The following IFT122 variants were observed in gnomAD, a reference collection of about 807,000 sequenced individuals.
IFT122 encodes the protein intraflagellar transport 122.
In IFT122, 118 loss-of-function variants were observed where a neutral mutation model predicts 161.6. The ratio of observed to expected loss-of-function variants is 0.73; its 90% confidence interval spans 0.63 to 0.85. The LOEUF is 0.85. IFT122 is among the 40% of genes least tolerant of loss of function. IFT122 has a pLI of 0.00. For synonymous variants in IFT122, 550 were observed against 602.4 expected (o/e 0.91, Z 1.27); for missense variants, 1,381 against 1,579.6 (o/e 0.87, Z 2.13).
At chr3:129,458,813 T>C (rs1236111950) in intron 4 of IFT122, 136 bp downstream of exon 4, 3 of 728,220 alleles carry the variant, frequency 4.1e-6, no homozygotes, top group East Asian at 2.7e-5. Context: ...GTGTGTGTGG[T>C]TGGTATAGGA....
chr3:129,466,707 T>C (rs1293643745), intron 7 of IFT122, among the ~76,000 whole-genome samples, 183 bp from the exon 8 acceptor site: 3 of 152,078 alleles, frequency 2.0e-5, no homozygotes, highest in Non-Finnish European at 4.4e-5. Context: ...TTCACCATGT[T>C]GGCCAGGCTG....
Position 129,501,692 on chromosome 3 carries a change from C to T in IFT122, c.2376-1019C>T, listed in dbSNP as rs372043846. On this transcript the variant is annotated intron_variant, in intron 19 of 29. Transcript: ENST00000348417. ...AAACACATTAAGCATGTTCTGCTTGCTTTCCAGATGTGGCTATAAAAGGTG... is the reference window on the plus strand; with the variant it reads ...AAACACATTAAGCATGTTCTGCTTGTTTTCCAGATGTGGCTATAAAAGGTG... Among the ~76,000 whole-genome samples, 35 of 152,348 alleles carry T rather than the reference C, an allele frequency of 2.3e-4. No individual in the cohort carries two copies. In the South Asian group the frequency reaches 7.0e-3, roughly 31 times the overall value.
At chr3:129,459,352 C>T (rs111459031) in intron 4 of IFT122, 14,399 of 441,456 alleles carry the variant, frequency 0.033, 927 homozygotes, top group African/African-American at 0.13. Flanking sequence ...TGCAGTGGCA[C>T]GATCTCGGCT....
At chr3:129,445,762 CAG>C (rs986192911) in intron 1 of IFT122, among the ~76,000 whole-genome samples, 2 of 152,186 alleles carry the variant, frequency 1.3e-5, no homozygotes, top group African/African-American at 4.8e-5. Context: ...ATCTACAAAA[CAG>C]AGTAATAATT....
chr3:129,476,608 G>A, intron 10 of IFT122, 55 bp from the exon 11 acceptor site: 2 of 1,614,098 alleles, frequency 1.2e-6, no homozygotes, highest in Non-Finnish European at 1.7e-6. Context: ...TGACAAATGG[G>A]GGAATGCAGA....
At chr3:129,450,980 A>T (rs558866035) in intron 2 of IFT122, among the ~76,000 whole-genome samples, 10 of 152,182 alleles carry the variant, frequency 6.6e-5, no homozygotes, top group African/African-American at 2.4e-4. Flanking sequence ...TCGGCCTCCC[A>T]AAGTGCTGGG....
chr3:129,507,861 C>T (rs1408802997), intron 23 of IFT122, 99 bp downstream of exon 23: 5 of 912,364 alleles, frequency 5.5e-6, no homozygotes, highest in Non-Finnish European at 9.0e-6. Flanking sequence ...ATGTAACCCA[C>T]TGGTCACAGT....
At chr3:129,471,626 A>G (rs1203447365) in intron 9 of IFT122, among the ~76,000 whole-genome samples, 5 of 152,238 alleles carry the variant, frequency 3.3e-5, no homozygotes, top group African/African-American at 1.2e-4. Flanking sequence ...GTTGTGGCCC[A>G]AAGTTTCTGC....
At chr3:129,442,603 TA>T (rs1229771815) in intron 1 of IFT122, among the ~76,000 whole-genome samples, 9 of 151,350 alleles carry the variant, frequency 5.9e-5, no homozygotes, top group African/African-American at 1.7e-4. Flanking sequence ...ACAGTAGAAC[TA>T]AAAAAATCCT....
At chr3:129,465,182 G>A (rs1280666793) in intron 7 of IFT122, among the ~76,000 whole-genome samples, 4 of 150,692 alleles carry the variant, frequency 2.7e-5, no homozygotes, top group African/African-American at 9.8e-5. Flanking sequence ...GATGCAGCAG[G>A]ACCATTTCCT....
At chr3:129,451,802 A>G (rs1435958536) in intron 2 of IFT122, 112 bp from the exon 3 acceptor site, 5 of 913,396 alleles carry the variant, frequency 5.5e-6, no homozygotes, top group Non-Finnish European at 7.2e-6. Context: ...TTGGCTACAG[A>G]TTTAGAATAT....
Position 129,488,255 on chromosome 3 carries a change from A to C in IFT122, c.1852-2A>C. ...TTTTTTTCCCTTGATGAAATCCTGCAGTCCGCTCCCATGTACCAGTACCTG... is the reference window on the plus strand; with the variant it reads ...TTTTTTTCCCTTGATGAAATCCTGCCGTCCGCTCCCATGTACCAGTACCTG... On this transcript the variant is annotated splice_acceptor_variant, in intron 15 of 29. Transcript: ENST00000348417. LOFTEE classifies it high-confidence loss of function. 6.2e-7 allele frequency: 1 copy of C among 1,614,156 alleles called. No individual in the cohort carries two copies. Among genetic ancestry groups the C allele is most frequent in the Non-Finnish European group, 8.5e-7 (1 of 1,180,024 alleles).
chr3:129,479,760 A>G, intron 12 of IFT122, 25 bp from the exon 13 acceptor site: 2 of 1,613,692 alleles, frequency 1.2e-6, no homozygotes, highest in South Asian at 1.1e-5. Context: ...TTGAATTTCC[A>G]TGCAGAGCTG....
rs750993030 is a variant in IFT122 at position 129,464,707 on chromosome 3, C to T, written c.489C>T (p.Gly163=). Residue 163 remains glycine (G), a synonymous_variant, in exon 7 of 30, where the codon GGC becomes GGT. Coordinates refer to ENST00000348417, the MANE Select transcript of IFT122 (RefSeq NM_052989.3). ...NGIISIRNKN[G]EEKVKIERPG... is the part of the protein sequence containing the mutation. ...TCATCAGCATACGGAACAAAAATGG[C>T]GAGGAGAAAGTAAAGATCGAGCGGC... 21 of 1,613,762 alleles carry T rather than the reference C, an allele frequency of 1.3e-5. No individual in the cohort carries two copies. Among genetic ancestry groups the T allele is most frequent in the East Asian group, 6.7e-5 (3 of 44,884 alleles).
chr3:129,453,932 G>A (rs960714216), intron 3 of IFT122, among the ~76,000 whole-genome samples: 2 of 152,212 alleles, frequency 1.3e-5, no homozygotes, highest in South Asian at 2.1e-4. Context: ...GCTGGTTATT[G>A]AGTCTGAGTC....
intron 26 of IFT122, among the ~76,000 whole-genome samples, chr3:129,516,492 GCACACACACA>G (rs2083676246): frequency 8.8e-6 from 1 of 113,042 alleles, no homozygotes; most frequent in African/African-American, 3.6e-5. Flanking sequence ...GACTGCCCCT[GCACACACACA>G]TGGAGACTGC....
At chr3:129,494,315 G>T (rs1267947838) in intron 17 of IFT122, among the ~76,000 whole-genome samples, 3 of 151,968 alleles carry the variant, frequency 2.0e-5, no homozygotes, top group African/African-American at 7.3e-5. Flanking sequence ...CAAAGTGTAG[G>T]GATCACAGGT....
intron 24 of IFT122, chr3:129,513,870 A>C: frequency 4.0e-6 from 1 of 250,234 alleles, no homozygotes; most frequent in Non-Finnish European, 7.4e-6. Flanking sequence ...AGGAGCTTCA[A>C]GGGGGCCCCA....
chr3:129,461,949 C>G (rs1577373647), intron 5 of IFT122, among the ~76,000 whole-genome samples: 1 of 152,114 alleles, frequency 6.6e-6, no homozygotes, highest in African/African-American at 2.4e-5. Flanking sequence ...ATGGTTGATT[C>G]TGTTTTCAGC....
Sources: allele counts gnomAD v4.1 joint callset (sites outside exome capture counted in the v4.1 genomes callset), GRCh38; gene constraint gnomAD v4.1.1; transcripts MANE v1.5; gene names NCBI Gene and HGNC (gene_info 2026-07-23, HGNC 2026-07-21).